Variants in PRX observed in about 807,000 individuals in gnomAD.
The protein encoded by PRX is periaxin.
In PRX, 24 loss-of-function variants were observed where a neutral mutation model predicts 29.6. The observed-to-expected ratio is 0.81, with a 90% CI of 0.59 to 1.14. The LOEUF is 1.14. PRX is among the 50% of genes most tolerant of loss of function. PRX has a pLI of 0.00. For synonymous variants in PRX, 772 were observed against 831.7 expected, an observed-to-expected ratio of 0.93 and a Z score of 1.24; for missense variants, 1,838 against 1,926.4, an observed-to-expected ratio of 0.95 and a Z score of 0.86.
intron 4 of PRX, among the ~76,000 whole-genome samples, chr19:40,407,253 T>TGTGTGTGTGTGTGTGTG (rs1303300315): frequency 2.0e-5 from 3 of 147,004 alleles, no homozygotes; most frequent in African/African-American, 7.7e-5. Flanking sequence ...TGTGTGTGTG[T>TGTGTGTGTGTGTGTGTG]TTAGACAGGG....
At position 40,399,603 on chromosome 19, in the gene PRX, ACT is replaced by A. The variant is rs2079473625; in HGVS notation, c.185-789_185-788del. On this transcript the variant is annotated intron_variant, in intron 5 of 6. Coordinates refer to ENST00000324001, the MANE Select transcript of PRX (RefSeq NM_181882.3). ...ACCACTCAGCATCTGATCTAACCTC[ACT>A]CTCTGTCATATCCTTGCTTCCCTTG... 2.6e-5 allele frequency among the ~76,000 whole-genome samples: 4 copies of A among 151,214 alleles called. No individual in the cohort carries two copies. In the South Asian group the frequency reaches 8.4e-4, roughly 32 times the overall value.
chr19:40,413,344 G>T lies in PRX; in HGVS notation c.-249C>A, dbSNP rs1263804878. The T allele has an allele frequency of 6.6e-6, 1 of 152,228 alleles. No individual in the cohort carries two copies. Among genetic ancestry groups the T allele is most frequent in the Non-Finnish European group, 1.5e-5 (1 of 68,150 alleles). 9.4% of individuals were successfully genotyped at this position (152,228 alleles called of 1,614,324 possible). The stretch of plus-strand genomic sequence containing the variant: ...CGGCCGGCTGATCTCTTACCGCTGA[G>T]CCTCCAGACACCTCGAGAGCTCCTG... On this transcript the variant is annotated 5_prime_UTR_variant, in exon 1 of 7. Coordinates refer to ENST00000324001, the MANE Select transcript of PRX (RefSeq NM_181882.3).
intron 4 of PRX, among the ~76,000 whole-genome samples, chr19:40,406,412 T>C (rs557199198): frequency 1.3e-5 from 2 of 152,162 alleles, no homozygotes; most frequent in African/African-American, 4.8e-5. Flanking sequence ...CCTATAGCCT[T>C]GGGCAGTCAC....
chr19:40,405,170 G>A (rs957955047), intron 4 of PRX, among the ~76,000 whole-genome samples: 4 of 152,096 alleles, frequency 2.6e-5, no homozygotes, highest in South Asian at 2.1e-4. Context: ...TGGCATTCCC[G>A]GTATTTACTG....
intron 4 of PRX, among the ~76,000 whole-genome samples, chr19:40,406,832 G>T (rs2079533309): frequency 6.9e-6 from 1 of 144,738 alleles, no homozygotes; most frequent in East Asian, 2.0e-4. Context: ...GGCATGCAAT[G>T]GTGTGATCTC....
rs1266906915 is a variant in PRX at position 40,397,538 on chromosome 19, T to C, written c.814A>G (p.Thr272Ala). The part of the protein sequence containing the change: ...AAGGFALHLP[T>A]LGLGAPAPPA... ...GGAGCCGGGGCTCCGAGCCCAAGGG[T>C]TGGCAGGTGGAGGGCAAAGCCACCA... Residue 272 changes from threonine to alanine, a missense_variant, in exon 7 of 7, where the codon ACC (threonine) becomes GCC (alanine). Coordinates refer to ENST00000324001, the MANE Select transcript of PRX (RefSeq NM_181882.3). The C allele has an allele frequency of 1.9e-6, 3 of 1,542,370 alleles. No individual in the cohort carries two copies. The East Asian group carries it at 7.3e-5, about 38-fold the overall frequency.
rs1568702908 is a variant in PRX at position 40,394,700 on chromosome 19, C to T, written c.3652G>A (p.Val1218Met). The T allele has an allele frequency of 6.2e-7, 1 of 1,611,460 alleles. No homozygotes were observed. Among genetic ancestry groups the T allele is most frequent in the Non-Finnish European group, 8.5e-7 (1 of 1,179,996 alleles). ...EGVFKMPTVT[V>M]PQLELDVGLS... is the part of the protein sequence containing the mutation. ...CCCACGTCCAGCTCAAGCTGGGGCA[C>T]TGTCACGGTGGGCATCTTAAAGACA... Residue 1218 changes from valine (V) to methionine (M), a missense_variant, in exon 7 of 7, where the codon GTG becomes ATG. Coordinates refer to ENST00000324001, the MANE Select transcript of PRX (RefSeq NM_181882.3). This position sits in a 1 kb window ranked among gnomAD's most constrained non-coding sequence, Gnocchi z 5.8.
intron 5 of PRX, 119 bp downstream of exon 5, chr19:40,403,587 T>C (rs1308912584): frequency 2.6e-5 from 33 of 1,286,396 alleles, no homozygotes; most frequent in Admixed American, 7.6e-5. Context: ...CCTTAACCCC[T>C]CCTGGTCGCC....
chr19:40,397,314 G>A lies in PRX; in HGVS notation c.1038C>T (p.Ala346=), dbSNP rs1233016423. Residue 346 remains alanine, a synonymous_variant, in exon 7 of 7, where the codon GCC becomes GCT. Transcript: ENST00000324001. ...DLALPGAEVE[A]RGEAPEVALK... ...GGGCCACCTCAGGTGCCTCTCCCCG[G>A]GCCTCCACCTCTGCACCCGGCAAGG... is the stretch of plus-strand genomic sequence containing the variant. The A allele has an allele frequency of 1.9e-6, 3 of 1,613,098 alleles. No homozygotes were observed. In the African/African-American group the frequency reaches 4.0e-5, roughly 22 times the overall value.
At chr19:40,412,486 C>T (rs948531136) in intron 1 of PRX, among the ~76,000 whole-genome samples, 6 of 152,166 alleles carry the variant, frequency 3.9e-5, no homozygotes, top group African/African-American at 7.2e-5. Flanking sequence ...AATATAAACT[C>T]GTCTCTGACA....
chr19:40,395,818 G>A lies in PRX; in HGVS notation c.2534C>T (p.Ala845Val), dbSNP rs750952608. The change falls in exon 7 of 7, where the codon GCT (alanine) becomes GTT (valine). Residue 845 changes from alanine to valine, a missense_variant. Physicochemically the swap from Ala to Val is moderately conservative, Grantham distance 64. Transcript: ENST00000324001. ...AGTGAGAGAGGGGACACCCACATGA[G>A]CCTCACCATCCACCTCTGGCTGCAG... is the stretch of plus-strand genomic sequence containing the variant. Reference protein sequence around the residue: ...PCLQPEVDGEAHVGVPSLTLP... With the variant: ...PCLQPEVDGEVHVGVPSLTLP... 11 of 1,614,048 alleles carry A rather than the reference G, an allele frequency of 6.8e-6. No individual in the cohort carries two copies. In the African/African-American group the frequency reaches 9.3e-5, roughly 14 times the overall value.
Position 40,394,069 on chromosome 19 carries a change from T to C in PRX, c.4283A>G (p.Gln1428Arg). The C allele has an allele frequency of 1.9e-6, 3 of 1,612,028 alleles. No individual in the cohort carries two copies. Among genetic ancestry groups the C allele is most frequent in the Non-Finnish European group, 2.5e-6 (3 of 1,178,464 alleles). The change falls in exon 7 of 7, where the codon CAG becomes CGG. Residue 1428 changes from glutamine (Q) to arginine (R), a missense_variant. Gln to Arg is a conservative substitution (Grantham distance 43). Around this residue, in one of 3 missense-constraint regions of PRX, gnomAD observed 1,143 missense variants for 1,193.0 expected, o/e 0.96. Transcript: ENST00000324001. The surrounding 1 kb of genome is among the most constrained non-coding windows in gnomAD (Gnocchi z 5.8). ...CCGCACCCGCAATCCACCCTCTTCCTGGTCCCCACTCCCACTCCGGGCCTT... is the reference window on the plus strand; with the variant it reads ...CCGCACCCGCAATCCACCCTCTTCCCGGTCCCCACTCCCACTCCGGGCCTT... ...SPKARSGSGD[Q>R]EEGGLRVRLP...
At position 40,398,369 on chromosome 19, in the gene PRX, C is replaced by A. The variant is rs2079462418; in HGVS notation, c.381+251G>T. The A allele has an allele frequency of 7.0e-7, 1 of 1,436,704 alleles. No individual in the cohort carries two copies. Among genetic ancestry groups the A allele is most frequent in the Non-Finnish European group, 9.1e-7 (1 of 1,100,560 alleles). The allele number at this position is 1,436,704 out of a possible 1,614,324, so 89.0% of individuals were successfully genotyped here. ...GGTTCGAAGTAGCCTGGTTCAGGAC[C>A]CCTAGCAAGCCTGGATCCGATGGTG... On this transcript the variant is annotated intron_variant, in intron 6 of 6. Coordinates refer to ENST00000324001, the MANE Select transcript of PRX (RefSeq NM_181882.3). This position sits in a 1 kb window ranked among gnomAD's most constrained non-coding sequence, Gnocchi z 6.3.
In PRX at chr19:40,397,601, C is replaced by A; in HGVS notation, c.751G>T (p.Val251Phe). 1.9e-6 allele frequency: 3 copies of A among 1,541,634 alleles called. No individual in the cohort carries two copies. The highest frequency in any genetic ancestry group is 2.6e-6 in the Non-Finnish European group (3 of 1,148,488). Residue 251 changes from valine (V) to phenylalanine (F), a missense_variant, in exon 7 of 7, where the codon GTC (valine) becomes TTC (phenylalanine). Transcript: ENST00000324001. ...LPGAEVGVPQ[V>F]SAPKAAPSAE... is the part of the protein sequence containing the mutation. The stretch of plus-strand genomic sequence containing the variant: ...GAGGGGGCAGCCTTGGGGGCTGAGA[C>A]CTGGGGGACACCCACCTCCGCCCCT...
rs913073477 is a variant in PRX at position 40,408,818 on chromosome 19, T to G, written c.-242-435A>C. 1.5e-4 allele frequency among the ~76,000 whole-genome samples: 19 copies of G among 128,542 alleles called. No individual in the cohort carries two copies. The East Asian group carries it at 3.0e-3, about 20-fold the overall frequency. 84.3% of individuals were successfully genotyped at this position (128,542 alleles called of 152,430 possible). On this transcript the variant is annotated intron_variant, in intron 1 of 6. Transcript: ENST00000324001. ...GCTACGTTTTTGTTGTTGTTGGTGG[T>G]GTGTGTGTGTGTGTGTGTGTGTGTG...
chr19:40,394,046 GCACCCGCAATC>G lies in PRX; in HGVS notation c.4295_4305del (p.Gly1432AlafsTer52), dbSNP rs1568701460. 1 of 1,612,636 alleles carries G rather than the reference GCACCCGCAATC, an allele frequency of 6.2e-7. No homozygotes were observed. Among genetic ancestry groups the G allele is most frequent in the Admixed American group, 1.7e-5 (1 of 59,940 alleles). ...TCTGAAAACCCCACGCTGGGCAGCC[GCACCCGCAATC>G]CACCCTCTTCCTGGTCCCCACTCCC... On this transcript the variant is annotated frameshift_variant, in exon 7 of 7. Coordinates refer to ENST00000324001, the MANE Select transcript of PRX (RefSeq NM_181882.3). LOFTEE classifies it high-confidence loss of function. This position sits in a 1 kb window ranked among gnomAD's most constrained non-coding sequence, Gnocchi z 5.8.
At chr19:40,408,078 G>C (rs1224245712) in intron 3 of PRX, 47 bp from the exon 4 acceptor site, 1 of 1,050,354 alleles carries the variant, frequency 9.5e-7, no homozygotes, top group Non-Finnish European at 1.4e-6. Flanking sequence ...GGGGACGAGA[G>C]GTGGAGGCCA....
chr19:40,398,326 C>T lies in PRX; in HGVS notation c.381+294G>A. On this transcript the variant is annotated intron_variant, in intron 6 of 6. Transcript: ENST00000324001. This position sits in a 1 kb window ranked among gnomAD's most constrained non-coding sequence, Gnocchi z 6.3. ...AGCAGTAATTGGGCCAGCACTCAGG[C>T]TGGAATCTGGCTTTCCTGGTTCGAA... 7.0e-7 allele frequency: 1 copy of T among 1,426,804 alleles called. No homozygotes were observed. Among genetic ancestry groups the T allele is most frequent in the Non-Finnish European group, 9.1e-7 (1 of 1,094,980 alleles). 88.4% of individuals were successfully genotyped at this position (1,426,804 alleles called of 1,614,324 possible). A position where few individuals can be genotyped will look rare whatever the true frequency, so the allele number is the denominator to read the frequency against.
rs1043949955 is a variant in PRX at position 40,396,627 on chromosome 19, C to T, written c.1725G>A (p.Pro575=). Residue 575 remains proline, a synonymous_variant, in exon 7 of 7, where the codon CCG becomes CCA. Coordinates refer to ENST00000324001, the MANE Select transcript of PRX (RefSeq NM_181882.3). ...PEVRLPEVQL[P]KVPEMKVPEM... is the part of the protein sequence containing the mutation. The stretch of plus-strand genomic sequence containing the variant: ...CAGGGACTTTCATCTCTGGCACTTT[C>T]GGCAGCTGCACCTCTGGAAGCCGCA... 1 of 1,612,720 alleles carries T rather than the reference C, an allele frequency of 6.2e-7. No homozygotes were observed. The highest frequency in any genetic ancestry group is 1.1e-5 in the South Asian group (1 of 91,032).
Sources: gnomAD v4.1 joint callset for allele counts (sites outside exome capture counted in the v4.1 genomes callset) on GRCh38, gnomAD v4.1.1 for gene constraint, gnomAD v4.1.1 regional missense constraint, Gnocchi (gnomAD v3.1) non-coding constraint, MANE v1.5 for transcripts, NCBI Gene and HGNC (gene_info 2026-07-23, HGNC 2026-07-21) for gene names.